ABTB3: variants seen among roughly 807,000 people sequenced by gnomAD.
ABTB3 encodes the protein ankyrin repeat- and BTB/POZ domain-containing protein 3.
chr12:107,351,744 C>T, the ABTB3 span, among the ~76,000 whole-genome samples: 1 of 152,068 alleles, frequency 6.6e-6, no homozygotes, highest in Admixed American at 6.6e-5. Context: ...AACAATGAGC[C>T]AAATAAATTT....
the ABTB3 span, among the ~76,000 whole-genome samples, chr12:107,372,502 C>T: frequency 6.6e-6 from 1 of 152,142 alleles, no homozygotes; most frequent in African/African-American, 2.4e-5. Context: ...TGGATAGAGC[C>T]TGCGTCCTCA....
chr12:107,647,443 T>C, the ABTB3 span, among the ~76,000 whole-genome samples: 7 of 152,182 alleles, frequency 4.6e-5, no homozygotes, highest in African/African-American at 1.7e-4. Context: ...AGTTTGAGGT[T>C]ACAGTGAGCT....
the ABTB3 span, among the ~76,000 whole-genome samples, chr12:107,643,331 G>C: frequency 7.0e-6 from 1 of 143,196 alleles, no homozygotes; most frequent in Admixed American, 7.6e-5. Context: ...TTGAACCTGA[G>C]ATGTCAAGGC....
the ABTB3 span, among the ~76,000 whole-genome samples, chr12:107,517,279 T>C: frequency 6.6e-6 from 1 of 152,228 alleles, no homozygotes; most frequent in Non-Finnish European, 1.5e-5. Flanking sequence ...AGCCTTGTAG[T>C]ATAGCTTGAA....
chr12:107,377,089 G>A, the ABTB3 span, among the ~76,000 whole-genome samples: 18 of 152,138 alleles, frequency 1.2e-4, no homozygotes, highest in African/African-American at 2.4e-4. Context: ...TGCTGCTGGC[G>A]CAGCTCTCAG....
the ABTB3 span, among the ~76,000 whole-genome samples, chr12:107,471,798 C>T: frequency 6.6e-6 from 1 of 152,096 alleles, no homozygotes; most frequent in Non-Finnish European, 1.5e-5. Context: ...ATTAACTCTG[C>T]CCCCGTGCCT....
At chr12:107,393,691 G>A in the ABTB3 span, among the ~76,000 whole-genome samples, 1 of 152,318 alleles carries the variant, frequency 6.6e-6, no homozygotes, top group African/African-American at 2.4e-5. Flanking sequence ...AGCGCTTTGG[G>A]AGGCCAAGAC....
the ABTB3 span, among the ~76,000 whole-genome samples, chr12:107,419,919 G>A: frequency 9.4e-4 from 143 of 152,286 alleles, 1 homozygote; most frequent in African/African-American, 3.2e-3. Context: ...ACTGTGACCT[G>A]GGAAAGCCCA....
the ABTB3 span, among the ~76,000 whole-genome samples, chr12:107,566,128 T>A: frequency 1.3e-5 from 2 of 152,228 alleles, no homozygotes; most frequent in Non-Finnish European, 2.9e-5. Context: ...AATGGTGGTT[T>A]TGTGCAGGCA....
chr12:107,458,326 A>G, the ABTB3 span, among the ~76,000 whole-genome samples: 13 of 152,314 alleles, frequency 8.5e-5, no homozygotes, highest in African/African-American at 2.9e-4. Flanking sequence ...GACTTGCATA[A>G]GGTCACTCAG....
At chr12:107,365,321 A>G in the ABTB3 span, among the ~76,000 whole-genome samples, 1 of 152,184 alleles carries the variant, frequency 6.6e-6, no homozygotes, top group African/African-American at 2.4e-5. Flanking sequence ...TGAACCCTCA[A>G]CTTGCTCATC....
At chr12:107,516,548 A>G in the ABTB3 span, among the ~76,000 whole-genome samples, 3 of 152,236 alleles carry the variant, frequency 2.0e-5, no homozygotes, top group Admixed American at 1.3e-4. Context: ...TTCATTATTC[A>G]TTATTTATTT....
the ABTB3 span, among the ~76,000 whole-genome samples, chr12:107,545,568 C>T: frequency 6.6e-6 from 1 of 152,030 alleles, no homozygotes; most frequent in South Asian, 2.1e-4. Flanking sequence ...TTAAGAATCC[C>T]AACTCAACAT....
chr12:107,368,003 C>T, the ABTB3 span, among the ~76,000 whole-genome samples: 1 of 152,196 alleles, frequency 6.6e-6, no homozygotes, highest in Non-Finnish European at 1.5e-5. Flanking sequence ...TCCATTTTCA[C>T]CTATGTTCTC....
chr12:107,543,511 G>A, the ABTB3 span, among the ~76,000 whole-genome samples: 4 of 152,148 alleles, frequency 2.6e-5, no homozygotes, highest in Non-Finnish European at 5.9e-5. Flanking sequence ...GTTCTGGACA[G>A]AGGGAATAGC....
the ABTB3 span, among the ~76,000 whole-genome samples, chr12:107,553,314 C>A: frequency 2.0e-5 from 3 of 152,132 alleles, no homozygotes; most frequent in Admixed American, 1.3e-4. Flanking sequence ...TTCAGTCCTC[C>A]CAATACTCCT....
the ABTB3 span, among the ~76,000 whole-genome samples, chr12:107,502,585 C>CA: frequency 0.37 from 56,566 of 151,772 alleles, 12,796 homozygotes; most frequent in African/African-American, 0.63. Flanking sequence ...TGTTTTAAAT[C>CA]GGGGTCCCCA....
the ABTB3 span, among the ~76,000 whole-genome samples, chr12:107,613,853 G>A: frequency 2.6e-5 from 4 of 152,160 alleles, no homozygotes; most frequent in African/African-American, 4.8e-5. Context: ...TGCAGTCTCA[G>A]TACTGTGTGT....
chr12:107,329,404 A>C, the ABTB3 span, among the ~76,000 whole-genome samples: 1 of 152,228 alleles, frequency 6.6e-6, no homozygotes, highest in Non-Finnish European at 1.5e-5. Context: ...TCGTTGAGAG[A>C]ATAAAATGAG....
Sources: gnomAD v4.1 joint callset for allele counts (sites outside exome capture counted in the v4.1 genomes callset) on GRCh38, gnomAD v4.1.1 for gene constraint, MANE v1.5 for transcripts, NCBI Gene and HGNC (gene_info 2026-07-23, HGNC 2026-07-21) for gene names.